RYR2: variants seen among roughly 807,000 people sequenced by gnomAD.
The protein encoded by RYR2 is cardiac muscle ryanodine receptor-calcium release channel.
In RYR2, 227 loss-of-function variants were observed where a neutral mutation model predicts 601.1. The observed-to-expected ratio is 0.38, with a 90% confidence interval of 0.34 to 0.42. RYR2 has a LOEUF of 0.42. Among genes scored for constraint, RYR2 ranks in the 10% least tolerant of loss-of-function variants. The pLI, the probability that RYR2 is intolerant of heterozygous loss-of-function variation, is 1.00. For synonymous variants in RYR2, 2,223 were observed against 2,175.1 expected (o/e 1.02, Z -0.61); for missense variants, 4,646 against 6,156.5 (o/e 0.75, Z 8.21).
intron 82 of RYR2, among the ~76,000 whole-genome samples, chr1:237,758,058 G>A (rs1293404209): frequency 6.6e-6 from 1 of 152,128 alleles, no homozygotes; most frequent in Non-Finnish European, 1.5e-5. Flanking sequence ...CTCACCATGC[G>A]TTTACCAAAC....
At chr1:237,509,623 A>T (rs1157756950) in intron 23 of RYR2, among the ~76,000 whole-genome samples, 1 of 152,164 alleles carries the variant, frequency 6.6e-6, no homozygotes, top group Non-Finnish European at 1.5e-5. Flanking sequence ...TGGTGTGTTT[A>T]GTACTGGGGA....
At chr1:237,281,628 C>A (rs936137520) in intron 2 of RYR2, among the ~76,000 whole-genome samples, 3 of 152,226 alleles carry the variant, frequency 2.0e-5, no homozygotes, top group African/African-American at 7.2e-5. Flanking sequence ...TTGTTCCTTC[C>A]TTCTGCTCTG....
chr1:237,584,733 T>C (rs1427178454), intron 29 of RYR2, among the ~76,000 whole-genome samples: 1 of 145,714 alleles, frequency 6.9e-6, no homozygotes, highest in Non-Finnish European at 1.5e-5. Flanking sequence ...TGATCATAGT[T>C]CATTGCAGTC....
intron 79 of RYR2, among the ~76,000 whole-genome samples, chr1:237,735,330 G>T (rs913063788): frequency 4.6e-4 from 70 of 152,204 alleles, no homozygotes; most frequent in African/African-American, 1.6e-3. Flanking sequence ...AAAGATATAA[G>T]GTAACAAATA....
At chr1:237,385,435 T>G (rs1701891773) in intron 8 of RYR2, among the ~76,000 whole-genome samples, 1 of 152,200 alleles carries the variant, frequency 6.6e-6, no homozygotes, top group South Asian at 2.1e-4. Flanking sequence ...GTTTATATAC[T>G]GAGGTACAGC....
At position 237,781,584 on chromosome 1, in the gene RYR2, T is replaced by G. The variant is rs1695114537; in HGVS notation, c.11900T>G (p.Leu3967Arg). 1 of 1,576,964 alleles carries G rather than the reference T, an allele frequency of 6.3e-7. No homozygotes were observed. The highest frequency in any genetic ancestry group is 1.7e-5 in the Admixed American group (1 of 58,338). Residue 3967 changes from leucine (L) to arginine (R), a missense_variant, in exon 89 of 105, where the codon CTA becomes CGA. By Grantham distance (102) the Leu-to-Arg change is moderately radical. Around this residue, in one of 17 missense-constraint regions of RYR2, gnomAD observed 90 missense variants for 213.3 expected, o/e 0.42. Transcript: ENST00000366574. ...TTTCAGGATTCCAGTCAAATTGAGC[T>G]ATTAAAAGAATTAATGGATCTGCAG... ...KLSQDSSQIE[L>R]LKELMDLQKD...
At chr1:237,717,504 C>A in intron 72 of RYR2, 136 bp downstream of exon 72, 1 of 687,886 alleles carries the variant, frequency 1.5e-6, no homozygotes, top group Non-Finnish European at 2.2e-6. Flanking sequence ...TCTAGACAGG[C>A]CCAAGACTCA....
chr1:237,244,756 G>C (rs956981312), intron 1 of RYR2, among the ~76,000 whole-genome samples: 5 of 151,882 alleles, frequency 3.3e-5, no homozygotes, highest in African/African-American at 1.2e-4. Flanking sequence ...CTGTATGTCT[G>C]TGTCCTGAAT....
At position 237,337,861 on chromosome 1, in the gene RYR2, G is replaced by A. The variant is rs562733371; in HGVS notation, c.273+6879G>A. Among the ~76,000 whole-genome samples the A allele has an allele frequency of 1.3e-3, 202 of 152,280 alleles. 1 individual carries two copies. The highest frequency in any genetic ancestry group is 0.01 in the South Asian group (50 of 4,826). ...TCTATGGCCGCCTTTACAAGTTACC[G>A]CTAAGTTGGTGGCTTAAAACAACAT... On this transcript the variant is annotated intron_variant, in intron 3 of 104. Transcript: ENST00000366574.
intron 1 of RYR2, among the ~76,000 whole-genome samples, chr1:237,094,236 G>C (rs1442776949): frequency 6.6e-6 from 1 of 152,212 alleles, no homozygotes; most frequent in African/African-American, 2.4e-5. Context: ...TATGTAGGAA[G>C]CCTGTGGTTA....
intron 18 of RYR2, 90 bp downstream of exon 18, chr1:237,492,014 T>C (rs1663404188): frequency 1.5e-6 from 1 of 680,576 alleles, no homozygotes; most frequent in Non-Finnish European, 2.5e-6. Flanking sequence ...GTGTGTCAAA[T>C]TTTTCATGAG....
At chr1:237,388,908 A>G (rs914508274) in intron 10 of RYR2, among the ~76,000 whole-genome samples, 2 of 152,144 alleles carry the variant, frequency 1.3e-5, no homozygotes, top group African/African-American at 4.8e-5. Context: ...TCATATTAAC[A>G]TGGACACTTA....
At chr1:237,316,646 C>T (rs1407183312) in intron 2 of RYR2, among the ~76,000 whole-genome samples, 1 of 152,224 alleles carries the variant, frequency 6.6e-6, no homozygotes, top group Non-Finnish European at 1.5e-5. Flanking sequence ...GATCAATCTC[C>T]AGTTCCTCCT....
At chr1:237,269,435 A>G (rs1267511484) in intron 1 of RYR2, among the ~76,000 whole-genome samples, 2 of 151,482 alleles carry the variant, frequency 1.3e-5, no homozygotes, top group Non-Finnish European at 2.9e-5. Context: ...CTGCCCTGCC[A>G]TACTACCTTG....
intron 94 of RYR2, 71 bp from the exon 95 acceptor site, chr1:237,793,796 G>T: frequency 1.6e-6 from 2 of 1,223,704 alleles, no homozygotes; most frequent in African/African-American, 1.5e-5. Flanking sequence ...AAGCTGTTTT[G>T]TAAAGATAGT....
intron 12 of RYR2, among the ~76,000 whole-genome samples, chr1:237,428,237 G>A (rs927015148): frequency 4.6e-5 from 7 of 152,034 alleles, no homozygotes; most frequent in South Asian, 2.1e-4. Context: ...TTGACCCAGC[G>A]ATCCCATTAC....
intron 24 of RYR2, among the ~76,000 whole-genome samples, chr1:237,514,487 A>T (rs888978401): frequency 2.0e-5 from 3 of 152,208 alleles, no homozygotes; most frequent in Non-Finnish European, 4.4e-5. Context: ...TAGCTAGTTT[A>T]TATGGTTTTA....
At chr1:237,791,671 A>G (rs574978160) in intron 93 of RYR2, among the ~76,000 whole-genome samples, 156 bp downstream of exon 93, 81 of 152,346 alleles carry the variant, frequency 5.3e-4, no homozygotes, top group Non-Finnish European at 1.1e-3. Flanking sequence ...GTTATCTAGG[A>G]AGGCAAGATA....
chr1:237,263,570 TG>T (rs995548501), intron 1 of RYR2, among the ~76,000 whole-genome samples: 26 of 152,218 alleles, frequency 1.7e-4, no homozygotes, highest in Non-Finnish European at 3.8e-4. Context: ...GAAAGTGGCA[TG>T]GGGAGATACT....
Sources: allele counts gnomAD v4.1 joint callset (sites outside exome capture counted in the v4.1 genomes callset), GRCh38; gene constraint gnomAD v4.1.1; regional missense constraint gnomAD v4.1.1; transcripts MANE v1.5; gene names NCBI Gene and HGNC (gene_info 2026-07-23, HGNC 2026-07-21).